Variants in ASNS observed in about 807,000 individuals in gnomAD.
ASNS encodes asparagine synthetase [glutamine-hydrolyzing].
In ASNS, 37 loss-of-function variants were observed where a neutral mutation model predicts 62.6. The ratio of observed to expected loss-of-function variants is 0.59; its 90% CI spans 0.45 to 0.78. The LOEUF (loss-of-function observed/expected upper bound fraction) is 0.78, where lower values mean the gene tolerates loss of function less well. ASNS is among the 30% of genes least tolerant of loss of function. The pLI is 0.00. For synonymous variants in ASNS, 207 were observed against 237.9 expected (o/e 0.87, Z 1.19); for missense variants, 520 against 682.4 (o/e 0.76, Z 2.65).
At chr7:97,894,784 C>T in the ASNS span, among the ~76,000 whole-genome samples, 3 of 152,100 alleles carry the variant, frequency 2.0e-5, no homozygotes, top group Non-Finnish European at 4.4e-5. Flanking sequence ...CTGATTTCTA[C>T]CCAATTTATA....
intron 1 of ASNS, chr7:97,872,074 G>A (rs1034707834): frequency 2.6e-5 from 4 of 152,294 alleles, no homozygotes; most frequent in African/African-American, 7.2e-5. Context: ...CCTCTCCGGA[G>A]CGGTCCGGCC....
At chr7:97,890,739 T>C in the ASNS span, among the ~76,000 whole-genome samples, 2 of 151,956 alleles carry the variant, frequency 1.3e-5, no homozygotes, top group Admixed American at 1.3e-4. Flanking sequence ...AGAGTGAGAC[T>C]CCATTGCTAA....
intron 4 of ASNS, among the ~76,000 whole-genome samples, chr7:97,861,263 C>T (rs148424919): frequency 0.05 from 7,552 of 152,156 alleles, 657 homozygotes; most frequent in African/African-American, 0.17. Context: ...CCACCCGCCT[C>T]GGCCTCCCAA....
chr7:97,861,054 C>T (rs1392935500), intron 4 of ASNS, among the ~76,000 whole-genome samples: 14 of 134,760 alleles, frequency 1.0e-4, no homozygotes, highest in Non-Finnish European at 4.6e-5. Context: ...ATGAGTCTCG[C>T]TCTGTCACTC....
the ASNS span, among the ~76,000 whole-genome samples, chr7:97,896,789 C>A: frequency 4.5e-5 from 3 of 66,068 alleles, no homozygotes; most frequent in Admixed American, 2.3e-4. Context: ...CTATAGTAAC[C>A]AAAACAGCGT....
In ASNS at chr7:97,854,652, T is replaced by G. The variant is rs1401808666; in HGVS notation, c.1166A>C (p.Glu389Ala). Residue 389 changes from glutamate (E) to alanine (A), a missense_variant, in exon 10 of 13, where the codon GAG becomes GCG. Physicochemically the swap from Glu to Ala is moderately radical, Grantham distance 107 (BLOSUM62 -1). Transcript: ENST00000394308. Reference sequence around the variant, plus strand: ...GAGTTCCCTCAGAAGCCTCTCACTCTCCTCCTCGGCTTTTTCAGGAGAAGG... The same window carrying G: ...GAGTTCCCTCAGAAGCCTCTCACTCGCCTCCTCGGCTTTTTCAGGAGAAGG... Reference protein sequence around the residue: ...KAPSPEKAEEESERLLRELYL... With the variant: ...KAPSPEKAEEASERLLRELYL... 3.1e-6 allele frequency: 5 copies of G among 1,613,990 alleles called. No individual in the cohort carries two copies. In the African/African-American group the frequency reaches 6.7e-5, roughly 22 times the overall value.
At chr7:97,915,221 C>T in the ASNS span, among the ~76,000 whole-genome samples, 1 of 152,192 alleles carries the variant, frequency 6.6e-6, no homozygotes, top group African/African-American at 2.4e-5. Context: ...ATTCTGGCTA[C>T]ACCTGTCCTA....
At chr7:97,906,001 G>A in the ASNS span, among the ~76,000 whole-genome samples, 9 of 152,074 alleles carry the variant, frequency 5.9e-5, no homozygotes, top group Non-Finnish European at 1.3e-4. Flanking sequence ...ATCCTCTTAG[G>A]TTGGTGCAAA....
At chr7:97,902,328 T>C in the ASNS span, among the ~76,000 whole-genome samples, 8 of 152,222 alleles carry the variant, frequency 5.3e-5, no homozygotes, top group Non-Finnish European at 2.9e-5. Flanking sequence ...AAATCACTCC[T>C]ATTACGACCA....
upstream of ASNS, among the ~76,000 whole-genome samples, chr7:97,873,762 G>A (rs142271605): frequency 1.3e-5 from 2 of 151,998 alleles, no homozygotes; most frequent in Non-Finnish European, 2.9e-5. Flanking sequence ...TGAAAGACAG[G>A]TTCCCCTGCT....
At chr7:97,861,236 T>A (rs1304534428) in intron 4 of ASNS, among the ~76,000 whole-genome samples, 3 of 152,052 alleles carry the variant, frequency 2.0e-5, no homozygotes, top group Non-Finnish European at 2.9e-5. Context: ...ATGGTCTCGA[T>A]CTCCTGACCT....
the ASNS span, among the ~76,000 whole-genome samples, chr7:97,886,947 C>G: frequency 1.3e-5 from 2 of 152,300 alleles, 1 homozygote; most frequent in South Asian, 4.1e-4. Context: ...CCCACATAGA[C>G]ACAGCTCATG....
chr7:97,883,312 T>A, the ASNS span, among the ~76,000 whole-genome samples: 1 of 152,114 alleles, frequency 6.6e-6, no homozygotes, highest in Non-Finnish European at 1.5e-5. Context: ...GACATCTTCA[T>A]CATAAACACA....
the ASNS span, among the ~76,000 whole-genome samples, chr7:97,927,807 C>T: frequency 2.0e-5 from 3 of 152,270 alleles, no homozygotes; most frequent in African/African-American, 4.8e-5. Context: ...GTGACCCAAG[C>T]TCTGAATGCA....
chr7:97,871,084 T>C (rs1443150224), intron 1 of ASNS, among the ~76,000 whole-genome samples: 1 of 152,212 alleles, frequency 6.6e-6, no homozygotes, highest in African/African-American at 2.4e-5. Flanking sequence ...ATTTTAAATA[T>C]ACTAGTAGCC....
chr7:97,896,739 CACATAT>C, the ASNS span, among the ~76,000 whole-genome samples: 77 of 31,994 alleles, frequency 2.4e-3, no homozygotes, highest in South Asian at 0.014. Context: ...CACACACACA[CACATAT>C]ATATATATAT....
upstream of ASNS, among the ~76,000 whole-genome samples, chr7:97,874,847 G>C (rs28756005): frequency 0.84 from 125,376 of 149,014 alleles, 51,766 homozygotes; most frequent in African/African-American, 0.95. Context: ...ATGACCACAC[G>C]TGTGTCTTGC....
chr7:97,911,598 C>A, the ASNS span, among the ~76,000 whole-genome samples: 1 of 151,850 alleles, frequency 6.6e-6, no homozygotes, highest in Non-Finnish European at 1.5e-5. Flanking sequence ...GCCAAGGTCA[C>A]GCCACTGCAC....
At chr7:97,911,830 C>A in the ASNS span, among the ~76,000 whole-genome samples, 10 of 150,598 alleles carry the variant, frequency 6.6e-5, no homozygotes, top group African/African-American at 2.2e-4. Context: ...TCGACCCATG[C>A]GCCTTGCTTC....
Sources: allele counts gnomAD v4.1 joint callset (sites outside exome capture counted in the v4.1 genomes callset), GRCh38; gene constraint gnomAD v4.1.1; transcripts MANE v1.5; gene names NCBI Gene and HGNC (gene_info 2026-07-23, HGNC 2026-07-21).